The following PLEKHG7 variants were observed in gnomAD, a reference collection of about 807,000 sequenced individuals.
PLEKHG7 encodes the protein pleckstrin homology and RhoGEF domain containing G7.
A neutral mutation model predicts 85.2 loss-of-function variants in PLEKHG7; 77 were observed. The observed-to-expected ratio is 0.90, with a 90% CI of 0.75 to 1.09. The LOEUF is 1.09. Ranked by LOEUF, PLEKHG7 falls within the 50% of genes least tolerant of loss-of-function variation. The pLI is 0.00. For missense variants in PLEKHG7, 777 were observed against 804.3 expected (o/e 0.97, Z 0.41); for synonymous variants, 301 against 302.4 (o/e 1.00, Z 0.05).
At chr12:92,739,264 C>CAAAT (rs375529315) in intron 7 of PLEKHG7, among the ~76,000 whole-genome samples, 326 of 152,298 alleles carry the variant, frequency 2.1e-3, no homozygotes, top group African/African-American at 7.6e-3. Flanking sequence ...ACCCGTGAGC[C>CAAAT]AAATCCTCTA....
At chr12:92,735,163 C>G (rs1023940715) in intron 5 of PLEKHG7, among the ~76,000 whole-genome samples, 4 of 152,206 alleles carry the variant, frequency 2.6e-5, no homozygotes, top group African/African-American at 9.6e-5. Flanking sequence ...CAGCCTCTTT[C>G]TTTTCCAACT....
At chr12:92,730,880 A>G (rs1871972425) in intron 4 of PLEKHG7, among the ~76,000 whole-genome samples, 1 of 152,200 alleles carries the variant, frequency 6.6e-6, no homozygotes, top group African/African-American at 2.4e-5. Flanking sequence ...AAAGATAAGC[A>G]GCCTCCTCCC....
chr12:92,746,716 C>T (rs1443434365), intron 10 of PLEKHG7, among the ~76,000 whole-genome samples: 4 of 152,130 alleles, frequency 2.6e-5, no homozygotes, highest in Non-Finnish European at 4.4e-5. Context: ...TTTGGAAAAT[C>T]CTATATACAT....
intron 3 of PLEKHG7, among the ~76,000 whole-genome samples, chr12:92,722,886 C>T (rs557876741): frequency 6.6e-6 from 1 of 152,122 alleles, no homozygotes; most frequent in South Asian, 2.1e-4. Context: ...AGATTAGATT[C>T]GGTGATATAT....
At chr12:92,734,868 C>G (rs1163304120) in intron 5 of PLEKHG7, among the ~76,000 whole-genome samples, 1 of 152,188 alleles carries the variant, frequency 6.6e-6, no homozygotes, top group Non-Finnish European at 1.5e-5. Flanking sequence ...CTTGGCTTCT[C>G]GATTTCTTTA....
chr12:92,765,209 CGGGTGCA>C (rs1873156689), intron 15 of PLEKHG7, among the ~76,000 whole-genome samples: 1 of 151,846 alleles, frequency 6.6e-6, no homozygotes, highest in South Asian at 2.1e-4. Context: ...AAATGCTGGC[CGGGTGCA>C]GTGGCTCATA....
intron 3 of PLEKHG7, among the ~76,000 whole-genome samples, chr12:92,723,449 A>G (rs1206946134): frequency 2.6e-5 from 4 of 152,236 alleles, no homozygotes; most frequent in Admixed American, 2.0e-4. Flanking sequence ...ACAAATGATT[A>G]TAAGACATGT....
chr12:92,725,311 T>C (rs1871762243), intron 3 of PLEKHG7, among the ~76,000 whole-genome samples: 1 of 152,132 alleles, frequency 6.6e-6, no homozygotes, highest in Non-Finnish European at 1.5e-5. Context: ...TGGAGCCAGA[T>C]CACGGAAGGC....
Position 92,745,540 on chromosome 12 carries a change from C to T in PLEKHG7, c.1200C>T (p.Ile400=), listed in dbSNP as rs765207809. ...QTYCLNYSAA[I]FYLESLRQRD... ...ACTGCCTGAACTATTCAGCTGCTAT[C>T]TTTTATCTTGAGAGCCTGAGGCAGA... Residue 400 remains isoleucine (I), a synonymous_variant, in exon 10 of 17, where the codon ATC becomes ATT. Transcript: ENST00000344636. 6.2e-7 allele frequency: 1 copy of T among 1,613,988 alleles called. No homozygotes were observed. The highest frequency in any genetic ancestry group is 1.1e-5 in the South Asian group (1 of 91,072).
At chr12:92,761,667 AAAGAAAGAAAGAAAGAAAGG>A (rs1463642976) in intron 13 of PLEKHG7, 65 bp from the exon 14 acceptor site, 8 of 1,264,578 alleles carry the variant, frequency 6.3e-6, no homozygotes, top group Admixed American at 4.1e-5. Flanking sequence ...AGAAAGAAAG[AAAGAAAGAAAGAAAGAAAGG>A]GAAAGAAAAA....
chr12:92,707,073 G>T lies in PLEKHG7; in HGVS notation c.442G>T (p.Ala148Ser), dbSNP rs550109986. 4 of 1,614,008 alleles carry T rather than the reference G, an allele frequency of 2.5e-6. No homozygotes were observed. The East Asian group carries it at 6.7e-5, about 27-fold the overall frequency. The change falls in exon 2 of 17, where the codon GCC (alanine) becomes TCC (serine). Residue 148 changes from alanine to serine, a missense_variant. Ala to Ser is a moderately conservative substitution (Grantham distance 99). Transcript: ENST00000344636. The stretch of plus-strand genomic sequence containing the variant: ...TGTCAATGAAGGGTCCCTTCACCAG[G>T]CCTCTCTTCGGCAGCAAGAAGGCCA... ...QPVNEGSLHQ[A>S]SLRQQEGHFL...
rs547297726 is a variant in PLEKHG7 at position 92,733,673 on chromosome 12, TC to T, written c.699+1406del. Among the ~76,000 whole-genome samples, 511 of 152,152 alleles carry T rather than the reference TC, an allele frequency of 3.4e-3. 4 individuals are homozygous for T. The highest frequency in any genetic ancestry group is 8.7e-3 in the Admixed American group (133 of 15,264). ...CTGAGGTCTCAGGAGAAGGGGCATC[TC>T]CCCCCTAGCCCTCCCGAGGGCTTAT... is the stretch of plus-strand genomic sequence containing the variant. On this transcript the variant is annotated intron_variant, in intron 5 of 16. Transcript: ENST00000344636.
intron 3 of PLEKHG7, among the ~76,000 whole-genome samples, chr12:92,727,750 A>G (rs568453231): frequency 6.6e-6 from 1 of 151,888 alleles, no homozygotes; most frequent in South Asian, 2.1e-4. Context: ...CACCATGCCC[A>G]GCTAATTTTG....
At chr12:92,769,263 C>T (rs1371699539) in intron 16 of PLEKHG7, among the ~76,000 whole-genome samples, 183 bp downstream of exon 16, 1 of 152,120 alleles carries the variant, frequency 6.6e-6, no homozygotes, top group Non-Finnish European at 1.5e-5. Context: ...TCAGTATTGA[C>T]AATTTCCTCA....
At chr12:92,767,225 TA>T (rs1022801195) in intron 15 of PLEKHG7, among the ~76,000 whole-genome samples, 1 of 152,174 alleles carries the variant, frequency 6.6e-6, no homozygotes, top group Non-Finnish European at 1.5e-5. Context: ...AGAATGTCAG[TA>T]AAAAAAGAGC....
chr12:92,722,794 G>A (rs1363018951), intron 3 of PLEKHG7, among the ~76,000 whole-genome samples: 1 of 152,166 alleles, frequency 6.6e-6, no homozygotes, highest in Admixed American at 6.5e-5. Flanking sequence ...AGGACTGTCA[G>A]TATTTCGATC....
In PLEKHG7 at chr12:92,740,991, G is replaced by A. The variant is rs766743241; in HGVS notation, c.1035+43G>A. On this transcript the variant is annotated intron_variant, in intron 8 of 16. Coordinates refer to ENST00000344636, the MANE Select transcript of PLEKHG7 (RefSeq NM_001377329.1). Reference sequence around the variant, plus strand: ...ATTCATGTTTTAACATTCACTAGAGGACCATGAAAATTCATGCTTGGTCTG... The same window carrying A: ...ATTCATGTTTTAACATTCACTAGAGAACCATGAAAATTCATGCTTGGTCTG... 66 of 1,393,834 alleles carry A rather than the reference G, an allele frequency of 4.7e-5. No homozygotes were observed. In the East Asian group the frequency reaches 1.5e-3, roughly 32 times the overall value. The allele number at this position is 1,393,834 out of a possible 1,614,324, so 86.3% of individuals were successfully genotyped here.
chr12:92,755,754 GA>G lies in PLEKHG7; in HGVS notation c.1427-70del, dbSNP rs1872807086. The stretch of plus-strand genomic sequence containing the variant: ...CCAGTGTTTCTAAATGATTCCTGTG[GA>G]CCTTGGTTAAAATTTATACTGCAAT... On this transcript the variant is annotated intron_variant, in intron 11 of 16. Transcript: ENST00000344636. 38 of 997,638 alleles carry G rather than the reference GA, an allele frequency of 3.8e-5. 1 individual carries two copies. The South Asian group carries it at 5.2e-4, about 14-fold the overall frequency. 61.8% of individuals were successfully genotyped at this position (997,638 alleles called of 1,614,324 possible).
At chr12:92,752,648 A>G (rs1872722645) in intron 10 of PLEKHG7, among the ~76,000 whole-genome samples, 1 of 152,174 alleles carries the variant, frequency 6.6e-6, no homozygotes, top group African/African-American at 2.4e-5. Context: ...AAGGCAAAGG[A>G]TTTAACCTGG....
Sources: allele counts gnomAD v4.1 joint callset (sites outside exome capture counted in the v4.1 genomes callset), GRCh38; gene constraint gnomAD v4.1.1; transcripts MANE v1.5; gene names NCBI Gene and HGNC (gene_info 2026-07-23, HGNC 2026-07-21).